Variants in KNG1 observed in about 807,000 individuals in gnomAD.
KNG1 encodes kininogen 1.
A neutral mutation model predicts 47.8 loss-of-function variants in KNG1; 23 were observed. That is an observed-to-expected ratio of 0.48 (90% CI 0.35 to 0.68). The LOEUF is 0.68. Among genes scored for constraint, KNG1 ranks in the 30% least tolerant of loss-of-function variants. The pLI, the probability that KNG1 is intolerant of heterozygous loss-of-function variation, is 0.01. For missense variants in KNG1, 762 were observed against 790.2 expected (o/e 0.96, Z 0.43); for synonymous variants, 277 against 277.0 (o/e 1.00, Z 0.00).
At chr3:186,723,812 C>T (rs1720273527) in intron 3 of KNG1, among the ~76,000 whole-genome samples, 1 of 151,988 alleles carries the variant, frequency 6.6e-6, no homozygotes, top group Non-Finnish European at 1.5e-5. Context: ...CGCCACCACG[C>T]CCGGATAATT....
intron 1 of KNG1, 139 bp downstream of exon 1, chr3:186,717,876 CCACCACAA>C: frequency 3.5e-6 from 1 of 281,794 alleles, no homozygotes; most frequent in Non-Finnish European, 6.2e-6. Flanking sequence ...CCCACCACCA[CCACCACAA>C]CCACCACCAC....
In KNG1 at chr3:186,741,561, C is replaced by T. The variant is rs752411996; in HGVS notation, c.1165C>T (p.Arg389Ter). 6.2e-6 allele frequency: 10 copies of T among 1,609,920 alleles called. No homozygotes were observed. The highest frequency in any genetic ancestry group is 3.4e-5 in the Admixed American group (2 of 58,612). Residue 389 changes from arginine (R) to a stop codon, truncating the protein, a stop_gained, in exon 10 of 10, where the codon CGA becomes TGA. Transcript: ENST00000644859. LOFTEE classifies it low-confidence loss of function (END_TRUNC). Reference protein sequence around the residue: ...MKRPPGFSPFRSSRIGEIKEE... With the variant: ...MKRPPGFSPF ...AAGGCCTCCAGGTTTTTCACCTTTC[C>T]GATCATCACGAATAGGGGAAATAAA...
intron 1 of KNG1, 182 bp downstream of exon 1, chr3:186,717,919 ACCACCAC>A (rs1265914350): frequency 2.0e-5 from 9 of 443,190 alleles, no homozygotes; most frequent in Admixed American, 3.1e-5. Context: ...ACCACCATCC[ACCACCAC>A]CCACCACCCA....
intron 7 of KNG1, among the ~76,000 whole-genome samples, chr3:186,737,718 G>A (rs5030071): frequency 1.3e-5 from 2 of 151,762 alleles, no homozygotes; most frequent in African/African-American, 2.4e-5. Context: ...AACCATGTCC[G>A]GCTAATTTTT....
At chr3:186,739,469 A>G (rs1396848463) in intron 9 of KNG1, 55 bp downstream of exon 9, 5 of 1,189,510 alleles carry the variant, frequency 4.2e-6, no homozygotes, top group Middle Eastern at 1.9e-4. Context: ...CTGAAAATCC[A>G]TATTTGGGGG....
At chr3:186,731,716 G>A in intron 6 of KNG1, 87 bp downstream of exon 6, 1 of 841,268 alleles carries the variant, frequency 1.2e-6, no homozygotes, top group South Asian at 1.4e-5. Flanking sequence ...TTGGGTTTTG[G>A]TTCCCGTGAT....
Position 186,731,628 on chromosome 3 carries a change from A to G in KNG1, c.756A>G (p.Pro252=). ...ASFSQNCDIY[P]GKDFVQPPTK... ...TCTCACAGAACTGTGACATTTATCCAGGTAAGGAATAACACATGTTGGCAC... is the reference window on the plus strand; with the variant it reads ...TCTCACAGAACTGTGACATTTATCCGGGTAAGGAATAACACATGTTGGCAC... Residue 252 remains proline, a splice_region_variant and synonymous_variant, in exon 6 of 10, where the codon CCA becomes CCG. Transcript: ENST00000644859. 1 of 1,581,914 alleles carries G rather than the reference A, an allele frequency of 6.3e-7. No individual in the cohort carries two copies. The highest frequency in any genetic ancestry group is 8.7e-7 in the Non-Finnish European group (1 of 1,150,708).
At chr3:186,727,553 AT>A (rs1720407973) in intron 5 of KNG1, among the ~76,000 whole-genome samples, 1 of 152,036 alleles carries the variant, frequency 6.6e-6, no homozygotes, top group African/African-American at 2.4e-5. Flanking sequence ...AGCAATAAGT[AT>A]TTTTTTATAA....
chr3:186,717,513 C>T lies in KNG1; in HGVS notation c.-30C>T. Reference sequence around the variant, plus strand: ...GCTCTTGATTCTTGGTGAAACCATCCCTCAGCTCCTAGAGGGAGATTGTTA... The same window carrying T: ...GCTCTTGATTCTTGGTGAAACCATCTCTCAGCTCCTAGAGGGAGATTGTTA... On this transcript the variant is annotated 5_prime_UTR_variant, in exon 1 of 10. Coordinates refer to ENST00000644859, the MANE Select transcript of KNG1 (RefSeq NM_001102416.3). 1 of 1,526,480 alleles carries T rather than the reference C, an allele frequency of 6.6e-7. No individual in the cohort carries two copies. The highest frequency in any genetic ancestry group is 9.1e-7 in the Non-Finnish European group (1 of 1,102,012). The allele number at this position is 1,526,480 out of a possible 1,614,324, so 94.6% of individuals were successfully genotyped here.
intron 6 of KNG1, among the ~76,000 whole-genome samples, chr3:186,732,102 T>G (rs1720550188): frequency 6.6e-6 from 1 of 152,220 alleles, no homozygotes; most frequent in African/African-American, 2.4e-5. Context: ...TTTCTCATAG[T>G]TGGAAAACGT....
intron 8 of KNG1, 40 bp downstream of exon 8, chr3:186,739,246 C>A: frequency 6.3e-7 from 1 of 1,585,640 alleles, no homozygotes; most frequent in Non-Finnish European, 8.7e-7. Context: ...CACTGGAAGC[C>A]TATTTGATGT....
rs113370287 is a variant in KNG1 at position 186,726,144 on chromosome 3, G to A, written c.564+884G>A. On this transcript the variant is annotated intron_variant, in intron 4 of 9. Transcript: ENST00000644859. ...CGAGGTTTCACCATGGTGGCCAAGC[G>A]GGTGGTCTCAAACTCCCAACCTCAA... is the stretch of plus-strand genomic sequence containing the variant. 1.8e-3 allele frequency among the ~76,000 whole-genome samples: 271 copies of A among 151,820 alleles called. 1 individual carries two copies. The highest frequency in any genetic ancestry group is 6.1e-3 in the African/African-American group (252 of 41,430).
chr3:186,719,511 C>T (rs5029977), intron 1 of KNG1, among the ~76,000 whole-genome samples: 64,022 of 151,630 alleles, frequency 0.42, 13,864 homozygotes, highest in South Asian at 0.61. Flanking sequence ...GAGGCCAAGG[C>T]GGGGGGATCA....
chr3:186,736,746 C>G (rs1720677950), intron 7 of KNG1: 1 of 152,164 alleles, frequency 6.6e-6, no homozygotes, highest in African/African-American at 2.4e-5. Flanking sequence ...ATTCACATCA[C>G]CTGGGTATAA....
In KNG1 at chr3:186,722,451, C is replaced by T. The variant is rs1454884150; in HGVS notation, c.321C>T (p.Cys107=). 6.2e-7 allele frequency: 1 copy of T among 1,613,412 alleles called. No homozygotes were observed. The highest frequency in any genetic ancestry group is 1.7e-5 in the Admixed American group (1 of 60,004). ...TTTCTTTTTAGGCCACTGGAGAATG[C>T]ACGGCAACCGTGGGGAAGAGGAGCA... ...KDAAKAATGE[C]TATVGKRSST... The change falls in exon 3 of 10, where the codon TGC becomes TGT. Residue 107 remains cysteine (C), a synonymous_variant. Coordinates refer to ENST00000644859, the MANE Select transcript of KNG1 (RefSeq NM_001102416.3).
chr3:186,743,041 C>G lies in KNG1; in HGVS notation c.*710C>G. The G allele has an allele frequency of 1.4e-6, 1 of 724,000 alleles. No individual in the cohort carries two copies. The highest frequency in any genetic ancestry group is 1.7e-6 in the Non-Finnish European group (1 of 591,042). The allele number at this position is 724,000 out of a possible 1,614,324, so 44.8% of individuals were successfully genotyped here. A position where few individuals can be genotyped will look rare whatever the true frequency, so the allele number is the denominator to read the frequency against. The stretch of plus-strand genomic sequence containing the variant: ...TAGTTATATCAAATAAATACTCCCA[C>G]TGCCCTTTCTGAGTGAGAGTGTTTC... On this transcript the variant is annotated 3_prime_UTR_variant, in exon 10 of 10. Transcript: ENST00000644859.
intron 3 of KNG1, among the ~76,000 whole-genome samples, chr3:186,723,729 A>G (rs1269250435): frequency 2.0e-5 from 3 of 151,504 alleles, no homozygotes; most frequent in Non-Finnish European, 4.4e-5. Flanking sequence ...ATCTAGGCTC[A>G]CTGCAACCTC....
At chr3:186,727,042 T>TG (rs376637646) in intron 4 of KNG1, among the ~76,000 whole-genome samples, 195 bp from the exon 5 acceptor site, 3,593 of 143,716 alleles carry the variant, frequency 0.025, 125 homozygotes, top group African/African-American at 0.083. Flanking sequence ...GTGTGTGTGT[T>TG]TGTGTGAGAG....
At chr3:186,734,394 T>C (rs188180962) in intron 7 of KNG1, among the ~76,000 whole-genome samples, 1 of 152,274 alleles carries the variant, frequency 6.6e-6, no homozygotes, top group Admixed American at 6.5e-5. Context: ...TCTTGTGTTA[T>C]AATATTCAGT....
Sources: allele counts gnomAD v4.1 joint callset (sites outside exome capture counted in the v4.1 genomes callset), GRCh38; gene constraint gnomAD v4.1.1; transcripts MANE v1.5; gene names NCBI Gene and HGNC (gene_info 2026-07-23, HGNC 2026-07-21).